Variants in SNTG1 observed in about 807,000 individuals in gnomAD.
The protein encoded by SNTG1 is gamma-1-syntrophin.
In SNTG1, 39 loss-of-function variants were observed where a neutral mutation model predicts 74.7. The observed-to-expected ratio is 0.52, with a 90% CI of 0.40 to 0.68. The LOEUF (loss-of-function observed/expected upper bound fraction) is 0.68. SNTG1 is among the 30% of genes least tolerant of loss of function. The probability of loss-of-function intolerance (pLI) is 0.00; values close to 1 mark genes in which losing one functional copy is unlikely to be tolerated. For missense variants in SNTG1, 685 were observed against 609.5 expected (o/e 1.12, Z -1.30); for synonymous variants, 254 against 217.1 (o/e 1.17, Z -1.49).
At chr8:50,010,619 A>G (rs1320540682) in intron 1 of SNTG1, among the ~76,000 whole-genome samples, 1 of 152,010 alleles carries the variant, frequency 6.6e-6, no homozygotes, top group Non-Finnish European at 1.5e-5. Flanking sequence ...CCTGACAAAT[A>G]CCAATGCAGT....
intron 8 of SNTG1, among the ~76,000 whole-genome samples, chr8:50,477,249 C>T (rs1040799473): frequency 3.9e-5 from 6 of 151,978 alleles, no homozygotes; most frequent in South Asian, 2.1e-4. Flanking sequence ...GGAAATTTAG[C>T]GTGTAGAAAT....
intron 2 of SNTG1, among the ~76,000 whole-genome samples, chr8:50,215,601 G>A (rs181867689): frequency 6.6e-6 from 1 of 151,178 alleles, no homozygotes; most frequent in African/African-American, 2.4e-5. Context: ...TATAACAAAG[G>A]TGATAAATTA....
intron 4 of SNTG1, among the ~76,000 whole-genome samples, chr8:50,414,345 G>T (rs2131413554): frequency 6.6e-6 from 1 of 152,120 alleles, no homozygotes; most frequent in East Asian, 1.9e-4. Flanking sequence ...CTCAGAAATG[G>T]TTTTTAATTC....
chr8:50,787,894 TA>T (rs1177336352), intron 18 of SNTG1, among the ~76,000 whole-genome samples: 1 of 152,006 alleles, frequency 6.6e-6, no homozygotes, highest in Admixed American at 6.6e-5. Flanking sequence ...TTTGGAGTGA[TA>T]AAAATGTTCT....
intron 2 of SNTG1, among the ~76,000 whole-genome samples, chr8:50,250,389 A>G (rs10094935): frequency 0.33 from 49,553 of 151,948 alleles, 8,586 homozygotes; most frequent in African/African-American, 0.45. Context: ...AAAATAACCA[A>G]GTATAGTAAA....
chr8:49,925,258 CTG>C (rs1201397133), intron 1 of SNTG1, among the ~76,000 whole-genome samples: 2 of 152,154 alleles, frequency 1.3e-5, no homozygotes, highest in African/African-American at 4.8e-5. Context: ...TAATTATAAA[CTG>C]AAAGAAGGTT....
chr8:50,101,667 C>T (rs2080129216), intron 1 of SNTG1, among the ~76,000 whole-genome samples: 1 of 152,130 alleles, frequency 6.6e-6, no homozygotes, highest in Middle Eastern at 3.4e-3. Flanking sequence ...ATTAACTCGT[C>T]ATTTAGCATT....
At chr8:50,634,704 G>GGTA (rs2095027661) in intron 13 of SNTG1, among the ~76,000 whole-genome samples, 1 of 151,996 alleles carries the variant, frequency 6.6e-6, no homozygotes, top group Non-Finnish European at 1.5e-5. Context: ...GCACATTGGT[G>GGTA]GTATGAGTAT....
At chr8:50,494,004 A>AT (rs571696330) in intron 8 of SNTG1, among the ~76,000 whole-genome samples, 31 of 150,790 alleles carry the variant, frequency 2.1e-4, no homozygotes, top group East Asian at 3.9e-4. Flanking sequence ...ATGCCAGGGA[A>AT]TTTTTTTTTC....
chr8:50,509,734 T>G (rs2094047840), intron 9 of SNTG1, among the ~76,000 whole-genome samples: 1 of 152,148 alleles, frequency 6.6e-6, no homozygotes. Flanking sequence ...TATTGGTGTG[T>G]AAGAAGGCTT....
intron 2 of SNTG1, among the ~76,000 whole-genome samples, chr8:50,267,056 T>C (rs2087520308): frequency 6.6e-6 from 1 of 152,106 alleles, no homozygotes; most frequent in African/African-American, 2.4e-5. Flanking sequence ...ATACTTTAAA[T>C]TCTTAAAAAT....
At chr8:50,634,284 G>A (rs1158116453) in intron 13 of SNTG1, among the ~76,000 whole-genome samples, 2 of 152,212 alleles carry the variant, frequency 1.3e-5, no homozygotes, top group South Asian at 2.1e-4. Context: ...GCAGATTAAA[G>A]CCTCCTTTTC....
intron 1 of SNTG1, among the ~76,000 whole-genome samples, chr8:50,016,232 A>G (rs1816301386): frequency 1.3e-5 from 2 of 152,070 alleles, no homozygotes; most frequent in African/African-American, 2.4e-5. Context: ...TTCATATAAA[A>G]TCCACTTTTC....
At chr8:50,115,288 C>G (rs186263789) in intron 1 of SNTG1, among the ~76,000 whole-genome samples, 2 of 151,680 alleles carry the variant, frequency 1.3e-5, no homozygotes, top group Non-Finnish European at 2.9e-5. Context: ...GATGCTTGGC[C>G]GGGTGCCATG....
rs1025922797 is a variant in SNTG1, at chr8:50,394,263, G to A, written c.25G>A (p.Glu9Lys). The stretch of plus-strand genomic sequence containing the variant: ...CATGGATTTCAGAACCGCCTGTGAG[G>A]AGGTGAGTACAGAGCTTTCTGCTTT... Reference protein sequence around the residue: MDFRTACEETKTGICLLQD... With the variant: MDFRTACEKTKTGICLLQD... Residue 9 changes from glutamate to lysine, a missense_variant and splice_region_variant, in exon 3 of 19, where the codon GAG becomes AAG. Physicochemically the swap from Glu to Lys is moderately conservative, Grantham distance 56 (BLOSUM62 1). Coordinates refer to ENST00000642720, the MANE Select transcript of SNTG1 (RefSeq NM_018967.5). 8 of 1,612,972 alleles carry A rather than the reference G, an allele frequency of 5.0e-6. No homozygotes were observed. Among genetic ancestry groups the A allele is most frequent in the African/African-American group, 1.3e-5 (1 of 74,894 alleles).
intron 2 of SNTG1, among the ~76,000 whole-genome samples, chr8:50,322,192 A>C (rs972043912): frequency 6.6e-6 from 1 of 152,108 alleles, no homozygotes. Context: ...TGGTGTTGAT[A>C]AAATCCCTCA....
chr8:50,501,510 G>A (rs1340331250), intron 8 of SNTG1, among the ~76,000 whole-genome samples: 2 of 135,424 alleles, frequency 1.5e-5, no homozygotes, highest in African/African-American at 2.8e-5. Flanking sequence ...GTCTCAGCTC[G>A]CTGCAACCTC....
At chr8:50,566,088 TAC>T (rs1439064600) in intron 12 of SNTG1, among the ~76,000 whole-genome samples, 1 of 152,024 alleles carries the variant, frequency 6.6e-6, no homozygotes, top group Non-Finnish European at 1.5e-5. Context: ...ATTGTCTTCT[TAC>T]ATTTATGGAG....
chr8:50,437,856 C>T (rs1441946888), intron 4 of SNTG1, among the ~76,000 whole-genome samples: 1 of 152,134 alleles, frequency 6.6e-6, no homozygotes, highest in Non-Finnish European at 1.5e-5. Context: ...AAATGTAGCT[C>T]TTTGTTCTCA....
Sources: allele counts gnomAD v4.1 joint callset (sites outside exome capture counted in the v4.1 genomes callset), GRCh38; gene constraint gnomAD v4.1.1; transcripts MANE v1.5; gene names NCBI Gene and HGNC (gene_info 2026-07-23, HGNC 2026-07-21).